The following SEMA6D variants were observed in gnomAD, a reference collection of about 807,000 sequenced individuals.
SEMA6D encodes semaphorin-6D.
A neutral mutation model predicts 106.6 loss-of-function variants in SEMA6D; 35 were observed. The observed-to-expected ratio is 0.33, with a 90% CI of 0.25 to 0.44. SEMA6D has a LOEUF of 0.44. Ranked by LOEUF, SEMA6D falls within the 20% of genes least tolerant of loss-of-function variation. SEMA6D has a pLI of 1.00. For synonymous variants in SEMA6D, 499 were observed against 487.7 expected (o/e 1.02, Z -0.31); for missense variants, 1,185 against 1,345.9 (o/e 0.88, Z 1.87).
chr15:47,473,359 C>T (rs536708139), intron 3 of SEMA6D, among the ~76,000 whole-genome samples: 2 of 152,254 alleles, frequency 1.3e-5, no homozygotes, highest in South Asian at 2.1e-4. Context: ...GAGTCGGTAC[C>T]TCTTGAGAGA....
chr15:47,716,199 A>G (rs1184422536), upstream of SEMA6D, among the ~76,000 whole-genome samples: 1 of 152,126 alleles, frequency 6.6e-6, no homozygotes, highest in African/African-American at 2.4e-5. Flanking sequence ...GAAAGAGTCT[A>G]TATTTTAAAA....
intron 2 of SEMA6D, among the ~76,000 whole-genome samples, chr15:47,438,882 C>T (rs8038491): frequency 0.25 from 37,476 of 151,804 alleles, 5,547 homozygotes; most frequent in Middle Eastern, 0.45. Context: ...CAGAATCTGT[C>T]GCACAACAGA....
intron 1 of SEMA6D, among the ~76,000 whole-genome samples, chr15:47,309,829 G>A (rs780469999): frequency 5.3e-5 from 8 of 152,156 alleles, no homozygotes; most frequent in Non-Finnish European, 1.0e-4. Flanking sequence ...CTACTGTACT[G>A]AATGGGAAAA....
At position 47,695,798 on chromosome 15, in the gene SEMA6D, A is replaced by G. The variant is rs1596661581; in HGVS notation, c.-54-63947A>G. Among the ~76,000 whole-genome samples, 5 of 152,098 alleles carry G rather than the reference A, an allele frequency of 3.3e-5. No homozygotes were observed. The South Asian group carries it at 1.0e-3, about 32-fold the overall frequency. On this transcript the variant is annotated intron_variant, in intron 4 of 19. Coordinates refer to the SEMA6D transcript ENST00000558014. ...GTGACAGCAAGTTGATTTATATTGG[A>G]TTTTATATATTCTGGAGCATGTAAT...
At chr15:47,754,925 T>G (rs187232660) in intron 1 of SEMA6D, among the ~76,000 whole-genome samples, 79 of 151,964 alleles carry the variant, frequency 5.2e-4, no homozygotes, top group African/African-American at 1.8e-3. Context: ...TAAGAAGATG[T>G]GTTATTTATT....
chr15:47,451,812 G>A (rs754003067), intron 2 of SEMA6D, among the ~76,000 whole-genome samples: 1 of 151,956 alleles, frequency 6.6e-6, no homozygotes, highest in African/African-American at 2.4e-5. Flanking sequence ...GATTGACTGA[G>A]GAAAAGCTGG....
chr15:47,403,357 G>T (rs1289808967), intron 1 of SEMA6D, among the ~76,000 whole-genome samples: 3 of 152,182 alleles, frequency 2.0e-5, no homozygotes, highest in Non-Finnish European at 4.4e-5. Context: ...TGCAAACAGT[G>T]CACACATCCT....
chr15:47,387,327 T>C (rs12904595), intron 1 of SEMA6D, among the ~76,000 whole-genome samples: 33,428 of 152,184 alleles, frequency 0.22, 3,953 homozygotes, highest in Middle Eastern at 0.33. Flanking sequence ...CCCAAGGTCA[T>C]GCTTATACTC....
At chr15:47,570,205 A>G (rs561735337) in intron 3 of SEMA6D, among the ~76,000 whole-genome samples, 77 of 152,272 alleles carry the variant, frequency 5.1e-4, no homozygotes, top group Non-Finnish European at 8.1e-4. Context: ...GACATCCTCA[A>G]TCCCTGCTCT....
chr15:47,510,332 C>T (rs958063849), intron 3 of SEMA6D, among the ~76,000 whole-genome samples: 1 of 152,118 alleles, frequency 6.6e-6, no homozygotes, highest in Non-Finnish European at 1.5e-5. Context: ...ATCCTGAAAC[C>T]ATCTGCCCCT....
chr15:47,378,935 C>T (rs1448766301), intron 1 of SEMA6D, among the ~76,000 whole-genome samples: 4 of 152,146 alleles, frequency 2.6e-5, no homozygotes, highest in Non-Finnish European at 2.9e-5. Context: ...CAAGGGATCT[C>T]GGAAGACATA....
intron 1 of SEMA6D, among the ~76,000 whole-genome samples, chr15:47,236,473 A>G (rs1344584897): frequency 1.3e-5 from 2 of 152,182 alleles, no homozygotes; most frequent in East Asian, 1.9e-4. Context: ...TAAAAAACAA[A>G]TGCTAAATTT....
chr15:47,244,555 C>A (rs924999747), intron 1 of SEMA6D, among the ~76,000 whole-genome samples: 3 of 152,088 alleles, frequency 2.0e-5, no homozygotes, highest in African/African-American at 7.2e-5. Flanking sequence ...AACTTAGGCA[C>A]AGAGAAGTAA....
chr15:47,284,248 T>C (rs1400665304), intron 1 of SEMA6D, among the ~76,000 whole-genome samples: 2 of 152,218 alleles, frequency 1.3e-5, no homozygotes, highest in Non-Finnish European at 2.9e-5. Flanking sequence ...ACCTATTGTT[T>C]ATATGGTGAC....
chr15:47,537,741 G>C (rs1022930867), intron 3 of SEMA6D, among the ~76,000 whole-genome samples: 1 of 152,120 alleles, frequency 6.6e-6, no homozygotes, highest in South Asian at 2.1e-4. Flanking sequence ...CTACGGAGGC[G>C]CAAGGAAGGA....
chr15:47,482,784 GTTAT>G (rs556739649), intron 3 of SEMA6D, among the ~76,000 whole-genome samples: 16 of 152,158 alleles, frequency 1.1e-4, no homozygotes, highest in South Asian at 2.1e-4. Context: ...CAAGTGAGAA[GTTAT>G]TTATTAATCC....
intron 1 of SEMA6D, among the ~76,000 whole-genome samples, chr15:47,384,382 A>T (rs6493275): frequency 0.22 from 33,274 of 152,178 alleles, 3,913 homozygotes; most frequent in Middle Eastern, 0.33. Flanking sequence ...TTTTCCCTGA[A>T]ACATCTTTAT....
chr15:47,211,454 A>T (rs1566928581), intron 1 of SEMA6D, among the ~76,000 whole-genome samples: 1 of 152,206 alleles, frequency 6.6e-6, no homozygotes, highest in Non-Finnish European at 1.5e-5. Flanking sequence ...TGCTAATACA[A>T]AGCAGTATAT....
chr15:47,437,437 T>C (rs921583574), intron 2 of SEMA6D, among the ~76,000 whole-genome samples: 2 of 152,134 alleles, frequency 1.3e-5, no homozygotes, highest in African/African-American at 4.8e-5. Flanking sequence ...CAGAAAAGTT[T>C]TTGAATACTC....
Sources: gnomAD v4.1 joint callset for allele counts (sites outside exome capture counted in the v4.1 genomes callset) on GRCh38, gnomAD v4.1.1 for gene constraint, MANE v1.5 for transcripts, NCBI Gene and HGNC (gene_info 2026-07-23, HGNC 2026-07-21) for gene names.